TMEM163: variants seen among roughly 807,000 people sequenced by gnomAD.
The protein encoded by TMEM163 is transmembrane protein 163.
In TMEM163, 17 loss-of-function variants were observed where a neutral mutation model predicts 29.3. The ratio of observed to expected loss-of-function variants is 0.58; its 90% confidence interval spans 0.40 to 0.87. TMEM163 has a LOEUF of 0.87. TMEM163 is among the 40% of genes least tolerant of loss of function. The pLI is 0.00. For missense variants in TMEM163, 303 were observed against 381.5 expected, an observed-to-expected ratio of 0.79 and a Z score of 1.71; for synonymous variants, 157 against 160.6, an observed-to-expected ratio of 0.98 and a Z score of 0.17.
chr2:134,565,372 G>A (rs1000921748), intron 2 of TMEM163, among the ~76,000 whole-genome samples: 19 of 152,114 alleles, frequency 1.2e-4, no homozygotes, highest in Admixed American at 7.2e-4. Flanking sequence ...TTGGGAGGCC[G>A]AGGCAGGTGG....
At chr2:134,524,842 A>G (rs1680259284) in intron 4 of TMEM163, among the ~76,000 whole-genome samples, 1 of 150,216 alleles carries the variant, frequency 6.7e-6, no homozygotes, top group African/African-American at 2.4e-5. Flanking sequence ...ACATGCATGT[A>G]TGTTTATAAT....
intron 4 of TMEM163, among the ~76,000 whole-genome samples, chr2:134,546,326 G>A (rs1305044283): frequency 6.6e-6 from 1 of 152,112 alleles, no homozygotes; most frequent in African/African-American, 2.4e-5. Flanking sequence ...ACAAAATGTG[G>A]CATATATTTA....
intron 2 of TMEM163, among the ~76,000 whole-genome samples, chr2:134,657,436 G>A (rs761315071): frequency 6.6e-6 from 1 of 152,198 alleles, no homozygotes; most frequent in Non-Finnish European, 1.5e-5. Context: ...AGTAACCCAG[G>A]AACAGAAAAC....
At chr2:134,657,778 A>G (rs997327105) in intron 2 of TMEM163, among the ~76,000 whole-genome samples, 3 of 151,952 alleles carry the variant, frequency 2.0e-5, no homozygotes, top group Non-Finnish European at 2.9e-5. Context: ...ACTCCAGCCT[A>G]GGCAACAAGA....
At chr2:134,572,765 T>C (rs903555358) in intron 2 of TMEM163, among the ~76,000 whole-genome samples, 1 of 152,182 alleles carries the variant, frequency 6.6e-6, no homozygotes, top group Non-Finnish European at 1.5e-5. Context: ...CTTCAGCGCT[T>C]AATGATCTGA....
At chr2:134,680,835 T>C (rs1016355887) in intron 2 of TMEM163, among the ~76,000 whole-genome samples, 1 of 152,176 alleles carries the variant, frequency 6.6e-6, no homozygotes, top group African/African-American at 2.4e-5. Flanking sequence ...GCTGTGATCG[T>C]GGGCAAGTTA....
chr2:134,686,801 A>G (rs895025787), intron 2 of TMEM163, among the ~76,000 whole-genome samples: 1 of 152,216 alleles, frequency 6.6e-6, no homozygotes, highest in Admixed American at 6.5e-5. Flanking sequence ...AGAAGACATG[A>G]GATTTTTGGG....
Position 134,463,617 on chromosome 2 carries a change from T to C in TMEM163, c.667+2497A>G, listed in dbSNP as rs190752212. Among the ~76,000 whole-genome samples, 1,080 of 152,342 alleles carry C rather than the reference T, an allele frequency of 7.1e-3. 5 individuals are homozygous for C. Among genetic ancestry groups the C allele is most frequent in the South Asian group, 0.012 (56 of 4,830 alleles). ...GTATGCTGTGTCATTCTCAGGAGGCTGAACTGCAAGTTCTTTAGATCCGGC... is the reference window on the plus strand; with the variant it reads ...GTATGCTGTGTCATTCTCAGGAGGCCGAACTGCAAGTTCTTTAGATCCGGC... On this transcript the variant is annotated intron_variant, in intron 6 of 7. Transcript: ENST00000281924.
intron 2 of TMEM163, among the ~76,000 whole-genome samples, chr2:134,618,275 G>A (rs185620942): frequency 4.4e-4 from 67 of 152,158 alleles, no homozygotes; most frequent in African/African-American, 1.6e-3. Context: ...CTTAATATCA[G>A]ACAAAATAGA....
At chr2:134,654,711 C>CT in intron 2 of TMEM163, among the ~76,000 whole-genome samples, 1 of 118,370 alleles carries the variant, frequency 8.4e-6, no homozygotes, top group South Asian at 3.2e-4. Flanking sequence ...ATGTTTAGCG[C>CT]TTCCTTCAGG....
rs941286100 is a variant in TMEM163, at chr2:134,554,422, C to CAAAAAAA, written c.323-2338_323-2332dup. On this transcript the variant is annotated intron_variant, in intron 2 of 7. Coordinates refer to ENST00000281924, the MANE Select transcript of TMEM163 (RefSeq NM_030923.5). ...TTGGTGACAGAGCGAGACCCCATCT[C>CAAAAAAA]AAAAAAAAAAAAAAAAAAAAAAAAA... Among the ~76,000 whole-genome samples, 40 of 21,148 alleles carry CAAAAAAA rather than the reference C, an allele frequency of 1.9e-3. 2 individuals are homozygous for CAAAAAAA. The highest frequency in any genetic ancestry group is 5.0e-3 in the African/African-American group (37 of 7,430). 13.9% of individuals were successfully genotyped at this position (21,148 alleles called of 152,430 possible). A position where few individuals can be genotyped will look rare whatever the true frequency, so the allele number is the denominator to read the frequency against.
At chr2:134,599,259 G>A (rs368276442) in intron 2 of TMEM163, among the ~76,000 whole-genome samples, 8 of 152,264 alleles carry the variant, frequency 5.3e-5, no homozygotes, top group South Asian at 4.1e-4. Flanking sequence ...GGGTTTACAC[G>A]TTTTAGGTGT....
intron 5 of TMEM163, among the ~76,000 whole-genome samples, chr2:134,485,284 T>G (rs901048111): frequency 6.6e-6 from 1 of 152,188 alleles, no homozygotes; most frequent in African/African-American, 2.4e-5. Flanking sequence ...GTATGGAATA[T>G]CTCATGTAAT....
chr2:134,639,122 A>G (rs1042291696), intron 2 of TMEM163, among the ~76,000 whole-genome samples: 7 of 152,158 alleles, frequency 4.6e-5, no homozygotes, highest in African/African-American at 1.7e-4. Context: ...ACACAACCTG[A>G]AAAAACACCA....
intron 2 of TMEM163, among the ~76,000 whole-genome samples, chr2:134,657,197 G>A (rs1683640638): frequency 6.6e-6 from 1 of 152,198 alleles, no homozygotes; most frequent in Non-Finnish European, 1.5e-5. Context: ...ACATCTGGTA[G>A]AATTCAGCTG....
intron 4 of TMEM163, among the ~76,000 whole-genome samples, chr2:134,507,874 G>GACACAC (rs912058277): frequency 1.3e-5 from 2 of 149,698 alleles, no homozygotes. Context: ...CACACACACA[G>GACACAC]ACACACACAC....
At chr2:134,463,933 T>C (rs373269360) in intron 6 of TMEM163, among the ~76,000 whole-genome samples, 1 of 152,200 alleles carries the variant, frequency 6.6e-6, no homozygotes, top group East Asian at 1.9e-4. Flanking sequence ...GGGCTTCATC[T>C]GGAGCTTGAG....
chr2:134,525,610 C>T (rs939139796), intron 4 of TMEM163, among the ~76,000 whole-genome samples: 6 of 152,186 alleles, frequency 3.9e-5, no homozygotes, highest in Non-Finnish European at 8.8e-5. Flanking sequence ...TGAGAATACC[C>T]TCTGGGCTAA....
intron 1 of TMEM163, among the ~76,000 whole-genome samples, chr2:134,714,798 C>A (rs756107088): frequency 7.2e-5 from 11 of 152,162 alleles, no homozygotes; most frequent in Non-Finnish European, 1.6e-4. Flanking sequence ...AAAATAAATA[C>A]CTTCTCTCTT....
Sources: gnomAD v4.1 joint callset for allele counts (sites outside exome capture counted in the v4.1 genomes callset) on GRCh38, gnomAD v4.1.1 for gene constraint, MANE v1.5 for transcripts, NCBI Gene and HGNC (gene_info 2026-07-23, HGNC 2026-07-21) for gene names.